Variants in ABCC1 observed in about 807,000 individuals in gnomAD.
The protein encoded by ABCC1 is ATP binding cassette subfamily C member 1 (ABCC1 blood group), also known as multidrug resistance-associated protein 1.
In ABCC1, 83 loss-of-function variants were observed where a neutral mutation model predicts 172.9. The observed-to-expected ratio is 0.48, with a 90% confidence interval of 0.40 to 0.58. ABCC1 has a LOEUF of 0.58. Ranked by LOEUF, ABCC1 falls within the 20% of genes least tolerant of loss-of-function variation. ABCC1 has a pLI of 0.00. For synonymous variants in ABCC1, 937 were observed against 825.2 expected, an observed-to-expected ratio of 1.14 and a Z score of -2.32; for missense variants, 1,817 against 2,002.7, an observed-to-expected ratio of 0.91 and a Z score of 1.77.
chr16:16,099,370 G>A (rs2051625768), intron 19 of ABCC1, among the ~76,000 whole-genome samples: 1 of 152,222 alleles, frequency 6.6e-6, no homozygotes, highest in South Asian at 2.1e-4. Context: ...GGACCCTGAA[G>A]AGGGATGTCG....
intron 7 of ABCC1, among the ~76,000 whole-genome samples, chr16:16,039,258 T>G (rs1029510527): frequency 3.7e-5 from 5 of 135,384 alleles, no homozygotes; most frequent in African/African-American, 1.6e-4. Context: ...TGTGTGTGTG[T>G]GTGTTTTCTT....
intron 12 of ABCC1, among the ~76,000 whole-genome samples, chr16:16,062,597 C>G (rs2049963095): frequency 6.6e-6 from 1 of 152,186 alleles, no homozygotes; most frequent in Admixed American, 6.5e-5. Flanking sequence ...AGCTGTTTGG[C>G]AAGAAACAGA....
chr16:16,058,484 T>C (rs867606732), intron 12 of ABCC1, among the ~76,000 whole-genome samples: 1 of 152,214 alleles, frequency 6.6e-6, no homozygotes, highest in Non-Finnish European at 1.5e-5. Flanking sequence ...TCAGGTGGAA[T>C]GTCTAAGGAA....
chr16:15,978,054 C>G (rs1019921600), intron 1 of ABCC1, among the ~76,000 whole-genome samples: 1 of 152,098 alleles, frequency 6.6e-6, no homozygotes, highest in Non-Finnish European at 1.5e-5. Flanking sequence ...ATATAAGTCT[C>G]GTCTTCACAA....
At chr16:15,966,104 G>A (rs2046236486) in intron 1 of ABCC1, among the ~76,000 whole-genome samples, 1 of 152,026 alleles carries the variant, frequency 6.6e-6, no homozygotes, top group African/African-American at 2.4e-5. Context: ...TATTCAGAGT[G>A]GACGATGGTG....
intron 1 of ABCC1, among the ~76,000 whole-genome samples, chr16:16,007,024 A>G (rs1226763365): frequency 6.6e-6 from 1 of 152,128 alleles, no homozygotes; most frequent in Non-Finnish European, 1.5e-5. Context: ...CTCAGTTCAC[A>G]AGGTCAGAGT....
Position 15,949,701 on chromosome 16 carries a change from C to G in ABCC1, c.-51C>G, listed in dbSNP as rs1371338949. The G allele has an allele frequency of 1.9e-6, 2 of 1,071,470 alleles. No individual in the cohort carries two copies. Among genetic ancestry groups the G allele is most frequent in the Non-Finnish European group, 2.3e-6 (2 of 884,126 alleles). The allele number at this position is 1,071,470 out of a possible 1,614,324, so 66.4% of individuals were successfully genotyped here. A position where few individuals can be genotyped will look rare whatever the true frequency, so the allele number is the denominator to read the frequency against. On this transcript the variant is annotated 5_prime_UTR_variant, in exon 1 of 31. Coordinates refer to ENST00000399410, the MANE Select transcript of ABCC1 (RefSeq NM_004996.4). ...TGCCCGCCGCCGCCCGCGCCAGCAA[C>G]CGGGCCCGATCACCCGCCGCCCGGT...
At chr16:15,981,090 G>T (rs890318571) in intron 1 of ABCC1, among the ~76,000 whole-genome samples, 1 of 152,214 alleles carries the variant, frequency 6.6e-6, no homozygotes, top group East Asian at 1.9e-4. Context: ...ATGCTTATGC[G>T]AGAGGTGGGC....
chr16:16,039,428 T>C (rs2048891433), intron 7 of ABCC1, among the ~76,000 whole-genome samples: 1 of 151,494 alleles, frequency 6.6e-6, no homozygotes, highest in South Asian at 2.1e-4. Context: ...CCACCACGCC[T>C]GACTAATTTT....
intron 12 of ABCC1, among the ~76,000 whole-genome samples, chr16:16,059,342 C>T (rs1212963067): frequency 6.6e-6 from 1 of 152,132 alleles, no homozygotes; most frequent in African/African-American, 2.4e-5. Flanking sequence ...CAGTCTCTGT[C>T]ACAAATACCA....
At chr16:16,090,262 T>C (rs1210418937) in intron 18 of ABCC1, 143 bp from the exon 19 acceptor site, 6 of 744,856 alleles carry the variant, frequency 8.1e-6, no homozygotes, top group African/African-American at 3.6e-5. Flanking sequence ...GATGCTGTTA[T>C]CGCGGGTGCA....
chr16:16,078,835 C>T (rs1421506330), intron 15 of ABCC1, among the ~76,000 whole-genome samples: 3 of 152,140 alleles, frequency 2.0e-5, no homozygotes, highest in South Asian at 2.1e-4. Context: ...GCCACCACCA[C>T]GCCTGGCTAA....
Position 16,007,668 on chromosome 16 carries a change from G to C in ABCC1, c.49-148G>C, listed in dbSNP as rs903636637. The C allele has an allele frequency of 5.0e-5, 33 of 654,924 alleles. No homozygotes were observed. The African/African-American group carries it at 5.2e-4, about 10-fold the overall frequency. 40.6% of individuals were successfully genotyped at this position (654,924 alleles called of 1,614,324 possible). A position where few individuals can be genotyped will look rare whatever the true frequency, so the allele number is the denominator to read the frequency against. ...GTCTTTCTGGCTACTGATCTTTTTA[G>C]TTTGCGTGTTCATCCTGAAAGGTCC... On this transcript the variant is annotated intron_variant, in intron 1 of 30. Coordinates refer to ENST00000399410, the MANE Select transcript of ABCC1 (RefSeq NM_004996.4).
intron 19 of ABCC1, 58 bp downstream of exon 19, chr16:16,090,646 AT>A (rs2051215137): frequency 6.7e-7 from 1 of 1,482,860 alleles, no homozygotes; most frequent in East Asian, 2.4e-5. Context: ...GAAGGGCCAC[AT>A]TGGCCTCTTT....
rs79066485 is a variant in ABCC1, at chr16:16,102,063, C to T, written c.2645-564C>T. On this transcript the variant is annotated intron_variant, in intron 19 of 30. Transcript: ENST00000399410. ...AATACTTTATTACTGTGGAAACAGCCACTGCCCCAGGTACCTTTTACCCTG... is the reference window on the plus strand; with the variant it reads ...AATACTTTATTACTGTGGAAACAGCTACTGCCCCAGGTACCTTTTACCCTG... Among the ~76,000 whole-genome samples the T allele has an allele frequency of 5.6e-3, 857 of 152,250 alleles. 12 individuals are homozygous for T. The highest frequency in any genetic ancestry group is 0.019 in the African/African-American group (807 of 41,528).
chr16:16,133,974 C>G (rs1334281227), intron 27 of ABCC1, among the ~76,000 whole-genome samples: 1 of 152,126 alleles, frequency 6.6e-6, no homozygotes, highest in East Asian at 1.9e-4. Context: ...GGGAAACTCA[C>G]CATCAAAGGT....
At chr16:16,013,046 C>G (rs1405090258) in intron 3 of ABCC1, among the ~76,000 whole-genome samples, 2 of 152,080 alleles carry the variant, frequency 1.3e-5, no homozygotes, top group Non-Finnish European at 2.9e-5. Context: ...GGGTGATAGT[C>G]TGAGGGTTGG....
chr16:16,122,006 A>G lies in ABCC1; in HGVS notation c.3422A>G (p.Lys1141Arg). ...TACGTGGCTTCCTCCCGGCAGCTGA[A>G]GCGCCTCGAGTCGGTCAGCCGCTCC... The part of the protein sequence containing the change: ...RFYVASSRQL[K>R]RLESVSRSPV... The change falls in exon 24 of 31, where the codon AAG becomes AGG. Residue 1141 changes from lysine to arginine, a missense_variant. By Grantham distance (26) the Lys-to-Arg change is conservative. Around this residue, in one of 3 missense-constraint regions of ABCC1, gnomAD observed 1,412 missense variants for 1,600.3 expected, o/e 0.88. Coordinates refer to ENST00000399410, the MANE Select transcript of ABCC1 (RefSeq NM_004996.4). The G allele has an allele frequency of 1.9e-6, 3 of 1,614,168 alleles. No individual in the cohort carries two copies. Among genetic ancestry groups the G allele is most frequent in the Non-Finnish European group, 1.7e-6 (2 of 1,180,038 alleles).
Position 16,030,096 on chromosome 16 carries a change from A to G in ABCC1, c.616-3013A>G, listed in dbSNP as rs547215656. Among the ~76,000 whole-genome samples the G allele has an allele frequency of 3.6e-3, 553 of 152,330 alleles. 1 individual carries two copies. Among genetic ancestry groups the G allele is most frequent in the Middle Eastern group, 6.8e-3 (2 of 294 alleles). On this transcript the variant is annotated intron_variant, in intron 5 of 30. Transcript: ENST00000399410. ...AGCCTTCTCCAACCCTGGTGAACCAAATGAGTACATTTGGGAAAGGTGGAG... is the reference window on the plus strand; with the variant it reads ...AGCCTTCTCCAACCCTGGTGAACCAGATGAGTACATTTGGGAAAGGTGGAG...
Sources: allele counts gnomAD v4.1 joint callset (sites outside exome capture counted in the v4.1 genomes callset), GRCh38; gene constraint gnomAD v4.1.1; regional missense constraint gnomAD v4.1.1; transcripts MANE v1.5; gene names NCBI Gene and HGNC (gene_info 2026-07-23, HGNC 2026-07-21).